RYR3: variants seen among roughly 807,000 people sequenced by gnomAD.
RYR3 encodes brain ryanodine receptor-calcium release channel.
A neutral mutation model predicts 584.3 loss-of-function variants in RYR3; 207 were observed. The ratio of observed to expected loss-of-function variants is 0.35; its 90% confidence interval spans 0.32 to 0.40. The LOEUF (loss-of-function observed/expected upper bound fraction) is 0.40, where lower values mean the gene tolerates loss of function less well. Among genes scored for constraint, RYR3 ranks in the 10% least tolerant of loss-of-function variants. The pLI is 1.00. For synonymous variants in RYR3, 2,416 were observed against 2,248.5 expected (o/e 1.07, Z -2.11); for missense variants, 5,616 against 6,089.2 (o/e 0.92, Z 2.59).
Position 33,580,097 on chromosome 15 carries a change from A to C in RYR3, c.1390A>C (p.Asn464His). The change falls in exon 13 of 104, where the codon AAC becomes CAC. Residue 464 changes from asparagine (N) to histidine (H), a missense_variant. Asn to His is a moderately conservative substitution (Grantham distance 68). Transcript: ENST00000634891. Reference sequence around the variant, plus strand: ...GGAGATGCGACATGAAGACAAGCAGAACAAGCTCCGCTCACTCAAAAACAG... The same window carrying C: ...GGAGATGCGACATGAAGACAAGCAGCACAAGCTCCGCTCACTCAAAAACAG... ...EEEMRHEDKQ[N>H]KLRSLKNRQN... 1 of 1,613,284 alleles carries C rather than the reference A, an allele frequency of 6.2e-7. No homozygotes were observed. The highest frequency in any genetic ancestry group is 8.5e-7 in the Non-Finnish European group (1 of 1,179,590).
At position 33,580,285 on chromosome 15, in the gene RYR3, T is replaced by C. The variant is rs2152513694; in HGVS notation, c.1437+141T>C. ...CAAGAGAGATTTGGAAGCTGGGAAATTGGAAGCCAACCTTCCCTGTCCACC... is the reference window on the plus strand; with the variant it reads ...CAAGAGAGATTTGGAAGCTGGGAAACTGGAAGCCAACCTTCCCTGTCCACC... On this transcript the variant is annotated intron_variant, in intron 13 of 103. Transcript: ENST00000634891. The C allele has an allele frequency of 6.9e-6, 5 of 728,360 alleles. No homozygotes were observed. The East Asian group carries it at 8.4e-5, about 12-fold the overall frequency. The allele number at this position is 728,360 out of a possible 1,614,324, so 45.1% of individuals were successfully genotyped here.
intron 43 of RYR3, among the ~76,000 whole-genome samples, chr15:33,712,550 G>C (rs1054928462): frequency 3.9e-5 from 6 of 152,172 alleles, no homozygotes; most frequent in African/African-American, 1.4e-4. Flanking sequence ...AATTGAATTT[G>C]TAGGATAGAA....
chr15:33,378,661 CA>C lies in RYR3; in HGVS notation c.51+67566del, dbSNP rs1257035952. 5.9e-5 allele frequency among the ~76,000 whole-genome samples: 9 copies of C among 152,254 alleles called. 1 individual carries two copies. In the Middle Eastern group the frequency reaches 0.017, roughly 288 times the overall value. The stretch of plus-strand genomic sequence containing the variant: ...CAGAAGTTATTATTAGGACAGAAAG[CA>C]GATTGAAAATATGTTTTAAGGCCAT... On this transcript the variant is annotated intron_variant, in intron 1 of 103. Transcript: ENST00000634891.
Position 33,522,423 on chromosome 15 carries a change from G to C in RYR3, c.280-8169G>C, listed in dbSNP as rs189571833. 1.2e-4 allele frequency among the ~76,000 whole-genome samples: 18 copies of C among 152,256 alleles called. No homozygotes were observed. The East Asian group carries it at 3.5e-3, about 29-fold the overall frequency. On this transcript the variant is annotated intron_variant, in intron 3 of 103. Coordinates refer to ENST00000634891, the MANE Select transcript of RYR3 (RefSeq NM_001036.6). The stretch of plus-strand genomic sequence containing the variant: ...CAGGCCCACTTGGAAGATTTCTTAG[G>C]GGGGAAAAACCTCTTCACAAAGTTC...
At chr15:33,581,926 AC>A (rs2058615023) in intron 14 of RYR3, among the ~76,000 whole-genome samples, 1 of 152,208 alleles carries the variant, frequency 6.6e-6, no homozygotes, top group Non-Finnish European at 1.5e-5. Context: ...TCATGAGGAA[AC>A]GAGACTAGAA....
intron 57 of RYR3, among the ~76,000 whole-genome samples, chr15:33,752,131 AG>A (rs1450869691): frequency 1.3e-5 from 2 of 152,148 alleles, no homozygotes; most frequent in African/African-American, 4.8e-5. Context: ...TTGTTACTGT[AG>A]CCTTGTAGTA....
At chr15:33,806,942 A>G (rs732421) in intron 69 of RYR3, among the ~76,000 whole-genome samples, 1 of 148,936 alleles carries the variant, frequency 6.7e-6, no homozygotes, top group African/African-American at 2.5e-5. Flanking sequence ...TTTTGTAAAG[A>G]CAGTGGCTAT....
chr15:33,472,052 A>T (rs879931701), intron 1 of RYR3, among the ~76,000 whole-genome samples: 2 of 152,214 alleles, frequency 1.3e-5, no homozygotes, highest in Non-Finnish European at 2.9e-5. Context: ...GTCTCAATTA[A>T]AATGAAGACC....
chr15:33,444,340 A>C (rs751828089), intron 1 of RYR3, among the ~76,000 whole-genome samples: 10 of 152,142 alleles, frequency 6.6e-5, no homozygotes, highest in Admixed American at 2.0e-4. Context: ...AAGGTTTAAG[A>C]AATATTTATT....
At chr15:33,811,641 A>G (rs1180050433) in intron 72 of RYR3, among the ~76,000 whole-genome samples, 2 of 69,234 alleles carry the variant, frequency 2.9e-5, no homozygotes, top group Non-Finnish European at 6.3e-5. Context: ...GATACCCAAT[A>G]AAGCATCTAT....
At position 33,652,794 on chromosome 15, in the gene RYR3, G is replaced by T. The variant is rs1430659504; in HGVS notation, c.4219G>T (p.Val1407Leu). Residue 1407 changes from valine to leucine, a missense_variant, in exon 32 of 104, where the codon GTG (valine) becomes TTG (leucine). Around this residue, in one of 9 missense-constraint regions of RYR3, gnomAD observed 753 missense variants for 741.0 expected, o/e 1.02. Transcript: ENST00000634891. The stretch of plus-strand genomic sequence containing the variant: ...TTCCCAGAGATCAAATCGGAGCAAC[G>T]TGGACCTGGAGATCGGCTGTCTCGT... ...ASSQRSNRSN[V>L]DLEIGCLVDL... 2 of 1,613,920 alleles carry T rather than the reference G, an allele frequency of 1.2e-6. No homozygotes were observed. Among genetic ancestry groups the T allele is most frequent in the East Asian group, 2.2e-5 (1 of 44,880 alleles).
chr15:33,710,666 G>A (rs1439528637), intron 43 of RYR3, among the ~76,000 whole-genome samples: 1 of 152,184 alleles, frequency 6.6e-6, no homozygotes, highest in Non-Finnish European at 1.5e-5. Flanking sequence ...TGGGGACCCA[G>A]GCTTTTCCAT....
At chr15:33,802,474 CAGAA>C (rs1398118717) in intron 69 of RYR3, among the ~76,000 whole-genome samples, 2 of 151,910 alleles carry the variant, frequency 1.3e-5, no homozygotes, top group Non-Finnish European at 2.9e-5. Flanking sequence ...TAGTTGCACT[CAGAA>C]AGCCAAACAT....
chr15:33,860,573 G>A (rs766399186), intron 100 of RYR3, 22 bp from the exon 101 acceptor site: 5 of 1,511,128 alleles, frequency 3.3e-6, no homozygotes, highest in Non-Finnish European at 4.5e-6. Context: ...AGATTGCTTT[G>A]TCTTTGTATT....
intron 36 of RYR3, among the ~76,000 whole-genome samples, chr15:33,668,421 T>C (rs1410647218): frequency 6.6e-6 from 1 of 151,982 alleles, no homozygotes; most frequent in African/African-American, 2.4e-5. Context: ...AAGTTAAAAA[T>C]CTAGAGGTGT....
intron 3 of RYR3, among the ~76,000 whole-genome samples, chr15:33,510,558 A>T (rs1006756826): frequency 6.6e-6 from 1 of 151,406 alleles, no homozygotes. Context: ...CAGGACAGCA[A>T]CCCTAAAGCA....
At chr15:33,769,369 G>T (rs1375600676) in intron 62 of RYR3, among the ~76,000 whole-genome samples, 197 bp downstream of exon 62, 1 of 152,174 alleles carries the variant, frequency 6.6e-6, no homozygotes, top group Non-Finnish European at 1.5e-5. Flanking sequence ...TGGCATAGAC[G>T]GAATGCAAAG....
At chr15:33,726,596 G>A (rs1376336576) in intron 46 of RYR3, 90 bp downstream of exon 46, 2 of 1,391,078 alleles carry the variant, frequency 1.4e-6, no homozygotes, top group Non-Finnish European at 1.9e-6. Context: ...TGGCCCCCAG[G>A]CCCTGACTTG....
chr15:33,471,405 T>C (rs1302516799), intron 1 of RYR3, among the ~76,000 whole-genome samples: 1 of 152,102 alleles, frequency 6.6e-6, no homozygotes, highest in Non-Finnish European at 1.5e-5. Context: ...TCTTGGCAGC[T>C]TGGGATGTGA....
Sources: gnomAD v4.1 joint callset for allele counts (sites outside exome capture counted in the v4.1 genomes callset) on GRCh38, gnomAD v4.1.1 for gene constraint, gnomAD v4.1.1 regional missense constraint, MANE v1.5 for transcripts, NCBI Gene and HGNC (gene_info 2026-07-23, HGNC 2026-07-21) for gene names.